The following ZNF148 variants were observed in gnomAD, a reference collection of about 807,000 sequenced individuals.
The protein encoded by ZNF148 is zinc finger protein 148.
A neutral mutation model predicts 67.7 loss-of-function variants in ZNF148; 7 were observed. That is an observed-to-expected ratio of 0.10 (90% confidence interval 0.06 to 0.19). The LOEUF (loss-of-function observed/expected upper bound fraction) is 0.19, where lower values mean the gene tolerates loss of function less well. ZNF148 is among the 10% of genes least tolerant of loss of function. The pLI, the probability that ZNF148 is intolerant of heterozygous loss-of-function variation, is 1.00. For missense variants in ZNF148, 583 were observed against 947.1 expected, an observed-to-expected ratio of 0.62 and a Z score of 5.05; for synonymous variants, 333 against 330.7, an observed-to-expected ratio of 1.01 and a Z score of -0.08.
intron 7 of ZNF148, among the ~76,000 whole-genome samples, chr3:125,239,049 G>C (rs1251440235): frequency 6.6e-6 from 1 of 152,158 alleles, no homozygotes; most frequent in East Asian, 1.9e-4. Context: ...GCGGTATCTA[G>C]AACAGGAAAA....
chr3:125,248,878 G>A (rs1936713368), intron 7 of ZNF148, among the ~76,000 whole-genome samples: 1 of 152,162 alleles, frequency 6.6e-6, no homozygotes, highest in Non-Finnish European at 1.5e-5. Flanking sequence ...CAGGTTCCAG[G>A]AACACGAAGT....
chr3:125,315,157 C>G (rs1940425528), intron 3 of ZNF148: 1 of 152,140 alleles, frequency 6.6e-6, no homozygotes, highest in Non-Finnish European at 1.5e-5. Context: ...TCTTAGAAAA[C>G]AAACTAAAAC....
intron 1 of ZNF148, among the ~76,000 whole-genome samples, chr3:125,371,179 C>A (rs1446794756): frequency 1.4e-5 from 2 of 147,684 alleles, no homozygotes; most frequent in African/African-American, 5.0e-5. Flanking sequence ...ATGACGAAAC[C>A]CCGTCTCTAT....
chr3:125,374,895 CCA>C (rs2107810144), intron 1 of ZNF148, among the ~76,000 whole-genome samples: 1 of 152,062 alleles, frequency 6.6e-6, no homozygotes, highest in South Asian at 2.1e-4. Flanking sequence ...ACCCCCCAAC[CCA>C]CCCTCCGCGC....
At chr3:125,333,147 T>C (rs1326368211) in intron 1 of ZNF148, among the ~76,000 whole-genome samples, 1 of 152,220 alleles carries the variant, frequency 6.6e-6, no homozygotes, top group Non-Finnish European at 1.5e-5. Flanking sequence ...TTTGAAATCT[T>C]AACATTCCGT....
chr3:125,301,431 T>A (rs1939581202), intron 4 of ZNF148, among the ~76,000 whole-genome samples: 1 of 152,174 alleles, frequency 6.6e-6, no homozygotes, highest in South Asian at 2.1e-4. Flanking sequence ...CCAAAATAAA[T>A]CCTGAAAATT....
intron 7 of ZNF148, among the ~76,000 whole-genome samples, chr3:125,240,067 G>A (rs1045424567): frequency 6.6e-6 from 1 of 152,082 alleles, no homozygotes; most frequent in Non-Finnish European, 1.5e-5. Context: ...ATTTTAAATG[G>A]GTGGGTTTTC....
intron 1 of ZNF148, among the ~76,000 whole-genome samples, chr3:125,362,003 T>C (rs1942557784): frequency 6.6e-6 from 1 of 152,140 alleles, no homozygotes; most frequent in African/African-American, 2.4e-5. Flanking sequence ...TTTAACACTG[T>C]CCTCTCCAGA....
Position 125,232,542 on chromosome 3 carries a change from G to A in ZNF148, c.2184C>T (p.Ser728=), listed in dbSNP as rs1241835794. The change falls in exon 9 of 9, where the codon TCC becomes TCT. Residue 728 remains serine, a synonymous_variant. Transcript: ENST00000360647. The surrounding 1 kb of genome is among the most constrained non-coding windows in gnomAD (Gnocchi z 4.2). ...QPVHQAYQMS[S]FEQPFRAPYH... ...AGGGAGCACGGAAGGGCTGTTCAAA[G>A]GAGCTCATTTGGTAAGCTTGGTGGA... The A allele has an allele frequency of 6.2e-7, 1 of 1,613,644 alleles. No homozygotes were observed. Among genetic ancestry groups the A allele is most frequent in the African/African-American group, 1.3e-5 (1 of 74,892 alleles).
chr3:125,275,612 A>T lies in ZNF148; in HGVS notation c.667+2114T>A, dbSNP rs1177286225. 1.3e-5 allele frequency among the ~76,000 whole-genome samples: 2 copies of T among 152,214 alleles called. 1 individual carries two copies. The highest frequency in any genetic ancestry group is 2.9e-5 in the Non-Finnish European group (2 of 68,024). On this transcript the variant is annotated intron_variant, in intron 7 of 8. Transcript: ENST00000360647. ...GGGACAGTAATAACTCCTGCCTTTC[A>T]AGATTAATGTGAGGACTAAATGAGA...
chr3:125,259,735 G>A (rs547627349), intron 7 of ZNF148, among the ~76,000 whole-genome samples: 57 of 152,334 alleles, frequency 3.7e-4, no homozygotes, highest in Middle Eastern at 6.8e-3. Flanking sequence ...GCTGAGGAAG[G>A]CAGACCACTT....
At chr3:125,316,464 C>T (rs1330210333) in intron 3 of ZNF148, among the ~76,000 whole-genome samples, 1 of 152,210 alleles carries the variant, frequency 6.6e-6, no homozygotes, top group East Asian at 1.9e-4. Context: ...TTCCCACCAA[C>T]AGCATAGAAG....
intron 1 of ZNF148, among the ~76,000 whole-genome samples, chr3:125,350,143 A>T (rs1322311767): frequency 2.2e-5 from 3 of 135,846 alleles, no homozygotes; most frequent in African/African-American, 8.8e-5. Flanking sequence ...TATCCAAAAG[A>T]ATTGATAATG....
At chr3:125,373,094 G>A (rs1181642249) in intron 1 of ZNF148, among the ~76,000 whole-genome samples, 1 of 151,526 alleles carries the variant, frequency 6.6e-6, no homozygotes, top group African/African-American at 2.4e-5. Context: ...AAAAGGGAAG[G>A]AAGACTAGCC....
At position 125,255,160 on chromosome 3, in the gene ZNF148, T is replaced by C. The variant is rs140171659; in HGVS notation, c.668-20831A>G. On this transcript the variant is annotated intron_variant, in intron 7 of 8. Coordinates refer to ENST00000360647, the MANE Select transcript of ZNF148 (RefSeq NM_021964.3). ...ACTACAAATATTTTAAGCCCCACAATAACATTATCAATGTCTGGTCTGTAA... is the reference window on the plus strand; with the variant it reads ...ACTACAAATATTTTAAGCCCCACAACAACATTATCAATGTCTGGTCTGTAA... Among the ~76,000 whole-genome samples, 1,428 of 150,212 alleles carry C rather than the reference T, an allele frequency of 9.5e-3. 16 individuals carry two copies. The highest frequency in any genetic ancestry group is 0.032 in the African/African-American group (1,313 of 41,102).
At chr3:125,257,380 C>T (rs1937133386) in intron 7 of ZNF148, among the ~76,000 whole-genome samples, 1 of 151,738 alleles carries the variant, frequency 6.6e-6, no homozygotes, top group Non-Finnish European at 1.5e-5. Context: ...ATGGCGAAAC[C>T]CCGTCTCTAC....
chr3:125,288,303 ATC>A, intron 4 of ZNF148, 75 bp from the exon 5 acceptor site: 3 of 1,474,356 alleles, frequency 2.0e-6, no homozygotes, highest in Non-Finnish European at 2.7e-6. Flanking sequence ...TTTATGTTTA[ATC>A]CTTTGCTAAA....
chr3:125,261,201 G>A (rs1937324719), intron 7 of ZNF148, among the ~76,000 whole-genome samples: 1 of 152,130 alleles, frequency 6.6e-6, no homozygotes, highest in Non-Finnish European at 1.5e-5. Context: ...AACTGGTAAG[G>A]CTCTGTTCCA....
intron 3 of ZNF148, among the ~76,000 whole-genome samples, chr3:125,315,707 C>CAA (rs35145293): frequency 0.01 from 1,149 of 113,110 alleles, 28 homozygotes; most frequent in African/African-American, 0.035. Context: ...GACTCCATCT[C>CAA]AAAAAAAAAA....
Sources: allele counts gnomAD v4.1 joint callset (sites outside exome capture counted in the v4.1 genomes callset), GRCh38; gene constraint gnomAD v4.1.1; non-coding constraint Gnocchi (gnomAD v3.1); transcripts MANE v1.5; gene names NCBI Gene and HGNC (gene_info 2026-07-23, HGNC 2026-07-21).